Variants in DPH6 observed in about 807,000 individuals in gnomAD.
The protein encoded by DPH6 is diphthine--ammonia ligase.
DPH6 carries 33 observed loss-of-function variants against 38.2 expected under a neutral mutation model. That is an observed-to-expected ratio of 0.86 (90% CI 0.65 to 1.15). The LOEUF is 1.15. Among genes scored for constraint, DPH6 ranks in the 50% most tolerant of loss-of-function variants. DPH6 has a pLI of 0.00. For synonymous variants in DPH6, 108 were observed against 103.0 expected, an observed-to-expected ratio of 1.05 and a Z score of -0.30; for missense variants, 325 against 320.0, an observed-to-expected ratio of 1.02 and a Z score of -0.12.
chr15:35,381,975 C>T (rs1484689608), intron 6 of DPH6, 59 bp from the exon 7 acceptor site: 4 of 1,245,294 alleles, frequency 3.2e-6, no homozygotes, highest in Non-Finnish European at 4.6e-6. Context: ...AGCATAAATG[C>T]TCTCTTATCT....
At chr15:35,378,303 C>T (rs1029824550) in intron 7 of DPH6, among the ~76,000 whole-genome samples, 10 of 152,182 alleles carry the variant, frequency 6.6e-5, no homozygotes, top group South Asian at 6.2e-4. Flanking sequence ...GTTAGACTGG[C>T]GATCATTAAA....
At chr15:35,493,202 C>A (rs1165027066) in intron 3 of DPH6, among the ~76,000 whole-genome samples, 2 of 152,096 alleles carry the variant, frequency 1.3e-5, no homozygotes, top group Non-Finnish European at 2.9e-5. Context: ...CTAATTGGAT[C>A]ATTTATTGTT....
the DPH6 span, among the ~76,000 whole-genome samples, chr15:35,196,980 T>A: frequency 6.6e-6 from 1 of 152,204 alleles, no homozygotes; most frequent in Non-Finnish European, 1.5e-5. Context: ...AATGAACTTA[T>A]AGCTTAGTTA....
chr15:35,285,872 G>GTTTTTTTTTTGTTTTTTTTTTTTTTTTTT (rs2051938669), intron 3 of DPH6, among the ~76,000 whole-genome samples: 1 of 52,794 alleles, frequency 1.9e-5, no homozygotes, highest in Non-Finnish European at 3.3e-5. Flanking sequence ...TTATCTTTGA[G>GTTTTTTTTTTGTTTTTTTTTTTTTTTTTT]TTTTTTTTTT....
At chr15:35,292,440 C>T (rs574422944) in intron 3 of DPH6, among the ~76,000 whole-genome samples, 1 of 152,264 alleles carries the variant, frequency 6.6e-6, no homozygotes, top group African/African-American at 2.4e-5. Flanking sequence ...GAGACTGATA[C>T]TTCTGTACCT....
intron 3 of DPH6, among the ~76,000 whole-genome samples, chr15:35,490,508 T>C (rs1265809914): frequency 2.0e-5 from 3 of 152,188 alleles, no homozygotes; most frequent in Admixed American, 1.3e-4. Context: ...AGTAAATTCA[T>C]GTGTGCGATT....
chr15:35,346,521 T>G (rs1181730198), intron 3 of DPH6, among the ~76,000 whole-genome samples: 1 of 152,150 alleles, frequency 6.6e-6, no homozygotes, highest in Non-Finnish European at 1.5e-5. Flanking sequence ...TCTCTTTATA[T>G]CTCAATCAGT....
intron 5 of DPH6, among the ~76,000 whole-genome samples, chr15:35,414,939 G>A (rs2053417176): frequency 6.6e-6 from 1 of 151,096 alleles, no homozygotes. Flanking sequence ...TGATCTCTTT[G>A]AGGTTCTCCC....
intron 3 of DPH6, among the ~76,000 whole-genome samples, chr15:35,273,216 T>C (rs570811439): frequency 2.6e-5 from 4 of 152,188 alleles, no homozygotes; most frequent in Non-Finnish European, 5.9e-5. Flanking sequence ...AGTTCTTTTG[T>C]GGTGATTTGT....
At chr15:35,282,748 C>A in intron 3 of DPH6, 1 of 350,788 alleles carries the variant, frequency 2.9e-6, no homozygotes. Context: ...GGAAAGCTGC[C>A]ATTGTGGAGA....
chr15:35,305,837 C>T (rs1288174608), intron 3 of DPH6, among the ~76,000 whole-genome samples: 3 of 152,090 alleles, frequency 2.0e-5, no homozygotes, highest in African/African-American at 7.2e-5. Flanking sequence ...CCTCAAGGGT[C>T]AAAAAGCTAA....
chr15:35,490,187 T>C, intron 3 of DPH6: 1 of 985,328 alleles, frequency 1.0e-6, no homozygotes, highest in Non-Finnish European at 1.2e-6. Context: ...TGTGGCTCTT[T>C]CTTACTCTTC....
chr15:35,377,458 TGAAGA>T (rs1166390081), intron 7 of DPH6, among the ~76,000 whole-genome samples: 1 of 152,132 alleles, frequency 6.6e-6, no homozygotes, highest in African/African-American at 2.4e-5. Context: ...AATGTATACA[TGAAGA>T]GAGAGAAGAA....
intron 3 of DPH6, among the ~76,000 whole-genome samples, chr15:35,321,595 A>G (rs2052241036): frequency 6.6e-6 from 1 of 152,148 alleles, no homozygotes; most frequent in Non-Finnish European, 1.5e-5. Flanking sequence ...AGGTGTGATC[A>G]CTTTGTAAAC....
the DPH6 span, among the ~76,000 whole-genome samples, chr15:35,205,810 T>G: frequency 1.3e-5 from 2 of 152,102 alleles, no homozygotes; most frequent in African/African-American, 4.8e-5. Flanking sequence ...GTAAAAACCT[T>G]TAGTTTTTAA....
At chr15:35,404,697 G>T (rs2053267488) in intron 6 of DPH6, among the ~76,000 whole-genome samples, 1 of 152,064 alleles carries the variant, frequency 6.6e-6, no homozygotes, top group Non-Finnish European at 1.5e-5. Context: ...TTTGTTGATT[G>T]TTTCCTTCGC....
chr15:35,542,945 AAT>A (rs67141062), intron 1 of DPH6, among the ~76,000 whole-genome samples: 937 of 30,226 alleles, frequency 0.031, 86 homozygotes, highest in African/African-American at 0.072. Context: ...CCACTTAAGG[AAT>A]ATATATATAT....
intron 3 of DPH6, among the ~76,000 whole-genome samples, chr15:35,221,091 G>A (rs1354311753): frequency 6.6e-6 from 1 of 152,214 alleles, no homozygotes; most frequent in Non-Finnish European, 1.5e-5. Flanking sequence ...CCAAAAGGGG[G>A]AAAAGAGTAA....
intron 5 of DPH6, among the ~76,000 whole-genome samples, chr15:35,446,229 C>CTTT (rs71123132): frequency 1.1e-5 from 1 of 95,024 alleles, no homozygotes; most frequent in African/African-American, 4.2e-5. Flanking sequence ...TTTTTTTTTC[C>CTTT]TTTTTTTTTT....
Sources: gnomAD v4.1 joint callset for allele counts (sites outside exome capture counted in the v4.1 genomes callset) on GRCh38, gnomAD v4.1.1 for gene constraint, MANE v1.5 for transcripts, NCBI Gene and HGNC (gene_info 2026-07-23, HGNC 2026-07-21) for gene names.